CHST11: variants seen among roughly 807,000 people sequenced by gnomAD.
CHST11 encodes the protein carbohydrate sulfotransferase 11.
Under a neutral mutation model 30.4 loss-of-function variants are expected in CHST11, and 9 were observed. The observed-to-expected ratio is 0.30, with a 90% CI of 0.18 to 0.52. The LOEUF is 0.52. Among genes scored for constraint, CHST11 ranks in the 20% least tolerant of loss-of-function variants. CHST11 has a pLI of 0.97. For missense variants in CHST11, 348 were observed against 460.6 expected, an observed-to-expected ratio of 0.76 and a Z score of 2.24; for synonymous variants, 152 against 187.8, an observed-to-expected ratio of 0.81 and a Z score of 1.56.
intron 2 of CHST11, among the ~76,000 whole-genome samples, chr12:104,641,892 A>G (rs952829307): frequency 2.0e-5 from 3 of 152,182 alleles, no homozygotes; most frequent in African/African-American, 7.2e-5. Flanking sequence ...TCCTAAAGCC[A>G]TGGTTCTCAA....
chr12:104,589,907 G>T (rs2038841157), intron 1 of CHST11, among the ~76,000 whole-genome samples: 1 of 152,150 alleles, frequency 6.6e-6, no homozygotes, highest in South Asian at 2.1e-4. Flanking sequence ...TACTCGGGAG[G>T]CTGAGGCAGG....
chr12:104,522,984 A>G (rs2038088069), intron 1 of CHST11, among the ~76,000 whole-genome samples: 1 of 152,202 alleles, frequency 6.6e-6, no homozygotes, highest in African/African-American at 2.4e-5. Context: ...TTGTTGGGAT[A>G]GGTGGGGTAG....
At chr12:104,582,866 C>T (rs913691655) in intron 1 of CHST11, among the ~76,000 whole-genome samples, 2 of 151,574 alleles carry the variant, frequency 1.3e-5, no homozygotes, top group African/African-American at 4.9e-5. Context: ...TCCTTCTCCC[C>T]AAGTCACCCA....
intron 2 of CHST11, among the ~76,000 whole-genome samples, chr12:104,614,023 A>G (rs558656889): frequency 6.6e-6 from 1 of 152,228 alleles, no homozygotes; most frequent in Non-Finnish European, 1.5e-5. Flanking sequence ...GAAATCTGCT[A>G]GGAAAGCAGA....
chr12:104,614,096 C>A (rs574687887), intron 2 of CHST11, among the ~76,000 whole-genome samples: 1 of 152,284 alleles, frequency 6.6e-6, no homozygotes, highest in Non-Finnish European at 1.5e-5. Flanking sequence ...TGTTACTTAG[C>A]TTGATTGTGG....
At chr12:104,536,280 GT>G (rs79825535) in intron 1 of CHST11, among the ~76,000 whole-genome samples, 7,571 of 152,280 alleles carry the variant, frequency 0.05, 282 homozygotes, top group Non-Finnish European at 0.075. Flanking sequence ...TAAGTCTGGT[GT>G]TTATGTCATA....
intron 1 of CHST11, among the ~76,000 whole-genome samples, chr12:104,585,167 C>T (rs547905537): frequency 9.9e-5 from 15 of 152,284 alleles, no homozygotes; most frequent in African/African-American, 3.4e-4. Context: ...ATCGTCTTTC[C>T]AGCTATCTTT....
At chr12:104,697,758 G>C (rs558538096) in intron 2 of CHST11, among the ~76,000 whole-genome samples, 2 of 152,308 alleles carry the variant, frequency 1.3e-5, no homozygotes, top group South Asian at 4.1e-4. Flanking sequence ...CCCATGAAAA[G>C]GAATGCTTTG....
chr12:104,662,051 T>G (rs2039603142), intron 2 of CHST11, among the ~76,000 whole-genome samples: 1 of 152,210 alleles, frequency 6.6e-6, no homozygotes, highest in Admixed American at 6.5e-5. Context: ...GGAAATCATT[T>G]TTAATAGAAA....
intron 2 of CHST11, among the ~76,000 whole-genome samples, chr12:104,685,420 GA>G (rs1486564967): frequency 6.6e-6 from 1 of 152,150 alleles, no homozygotes; most frequent in African/African-American, 2.4e-5. Flanking sequence ...TTTTTATTGA[GA>G]AAAGTTATAC....
chr12:104,716,522 C>T lies in CHST11; in HGVS notation c.205-40427C>T, dbSNP rs147063072. Among the ~76,000 whole-genome samples, 682 of 152,320 alleles carry T rather than the reference C, an allele frequency of 4.5e-3. 7 individuals are homozygous for T. Among genetic ancestry groups the T allele is most frequent in the African/African-American group, 0.015 (607 of 41,556 alleles). On this transcript the variant is annotated intron_variant, in intron 2 of 2. Transcript: ENST00000303694. ...CAGAAGAGTGTTTCTATGATCGTCT[C>T]GCATCCATACCTGTCGTAAATTAGT...
At chr12:104,594,273 G>GA (rs58109535) in intron 1 of CHST11, among the ~76,000 whole-genome samples, 42,785 of 151,868 alleles carry the variant, frequency 0.28, 6,172 homozygotes, top group African/African-American at 0.34. Flanking sequence ...AAATGAGCAG[G>GA]GTGACCAGAC....
At chr12:104,573,005 C>G (rs879568875) in intron 1 of CHST11, among the ~76,000 whole-genome samples, 33 of 152,220 alleles carry the variant, frequency 2.2e-4, no homozygotes, top group Non-Finnish European at 4.1e-4. Flanking sequence ...TGATAGGCAA[C>G]TTCAGCAAAG....
At chr12:104,548,449 T>C (rs1266707791) in intron 1 of CHST11, among the ~76,000 whole-genome samples, 1 of 152,066 alleles carries the variant, frequency 6.6e-6, no homozygotes, top group Non-Finnish European at 1.5e-5. Flanking sequence ...TTCTTGTGAG[T>C]TGGTACAATC....
At chr12:104,550,153 C>T (rs12308973) in intron 1 of CHST11, among the ~76,000 whole-genome samples, 7 of 152,202 alleles carry the variant, frequency 4.6e-5, no homozygotes, top group South Asian at 2.1e-4. Flanking sequence ...TGGAGGCGAC[C>T]GTTCTTTTTA....
chr12:104,503,415 G>A (rs2037871602), intron 1 of CHST11, among the ~76,000 whole-genome samples: 1 of 152,170 alleles, frequency 6.6e-6, no homozygotes, highest in Non-Finnish European at 1.5e-5. Flanking sequence ...CGGGCAAATC[G>A]TTAACACTAT....
chr12:104,526,813 A>G (rs576886744), intron 1 of CHST11, among the ~76,000 whole-genome samples: 23 of 152,318 alleles, frequency 1.5e-4, no homozygotes, highest in Non-Finnish European at 2.2e-4. Flanking sequence ...ACCCACACAG[A>G]TAAGTGGACT....
intron 2 of CHST11, among the ~76,000 whole-genome samples, chr12:104,728,714 C>T (rs906615115): frequency 3.3e-5 from 5 of 152,172 alleles, no homozygotes; most frequent in Non-Finnish European, 1.5e-5. Context: ...CAACCCTACC[C>T]GGGAAGGCTT....
intron 1 of CHST11, among the ~76,000 whole-genome samples, chr12:104,544,138 A>AAAAGAAAGAAAG (rs59116085): frequency 0.19 from 13,274 of 70,908 alleles, 1,096 homozygotes; most frequent in Non-Finnish European, 0.23. Context: ...AAAAAAAAAA[A>AAAAGAAAGAAAG]AAAGAAAGAA....
Sources: gnomAD v4.1 joint callset for allele counts (sites outside exome capture counted in the v4.1 genomes callset) on GRCh38, gnomAD v4.1.1 for gene constraint, MANE v1.5 for transcripts, NCBI Gene and HGNC (gene_info 2026-07-23, HGNC 2026-07-21) for gene names.